GRIK4: variants seen among roughly 807,000 people sequenced by gnomAD.
The protein encoded by GRIK4 is glutamate receptor ionotropic, kainate 4.
Under a neutral mutation model 104.9 loss-of-function variants are expected in GRIK4, and 40 were observed. The observed-to-expected ratio is 0.38, with a 90% CI of 0.30 to 0.50. The LOEUF is 0.50. Among genes scored for constraint, GRIK4 ranks in the 20% least tolerant of loss-of-function variants. GRIK4 has a pLI of 0.93. For missense variants in GRIK4, 1,047 were observed against 1,308.1 expected, an observed-to-expected ratio of 0.80 and a Z score of 3.08; for synonymous variants, 485 against 524.9, an observed-to-expected ratio of 0.92 and a Z score of 1.04.
chr11:120,819,932 C>A lies in GRIK4; in HGVS notation c.511+12C>A. On this transcript the variant is annotated intron_variant, in intron 6 of 20. Coordinates refer to ENST00000527524, the MANE Select transcript of GRIK4 (RefSeq NM_014619.5). This position sits in a 1 kb window ranked among gnomAD's most constrained non-coding sequence, Gnocchi z 4.3. ...TGCCAAAGCAGAATGTAAGTTTCCC[C>A]AGGCTGGCTCTGCCCCAGACAGTCC... 6.2e-7 allele frequency: 1 copy of A among 1,612,786 alleles called. No homozygotes were observed. Among genetic ancestry groups the A allele is most frequent in the South Asian group, 1.1e-5 (1 of 90,992 alleles).
chr11:120,651,658 C>T (rs1949620991), intron 1 of GRIK4, among the ~76,000 whole-genome samples: 1 of 152,124 alleles, frequency 6.6e-6, no homozygotes, highest in African/African-American at 2.4e-5. Flanking sequence ...GTGAGTCAGA[C>T]CAGGTCCAGC....
intron 3 of GRIK4, among the ~76,000 whole-genome samples, chr11:120,760,434 CAT>C (rs34870881): frequency 2.0e-4 from 29 of 146,412 alleles, no homozygotes; most frequent in Middle Eastern, 3.6e-3. Context: ...CATATATATA[CAT>C]ATATATATAT....
intron 13 of GRIK4, among the ~76,000 whole-genome samples, chr11:120,924,333 C>T (rs1364108616): frequency 6.6e-6 from 1 of 152,146 alleles, no homozygotes; most frequent in Non-Finnish European, 1.5e-5. Context: ...CCCTGGCTCC[C>T]CTTCCAGGCT....
At chr11:120,901,317 ATCCTGCCGCTCG>A (rs1464788600) in intron 12 of GRIK4, among the ~76,000 whole-genome samples, 45 of 10,582 alleles carry the variant, frequency 4.3e-3, no homozygotes, top group African/African-American at 0.01. Context: ...TGCTCGCTGC[ATCCTGCCGCTCG>A]CTGCATCCTG....
At chr11:120,807,476 T>C (rs1023080907) in intron 4 of GRIK4, among the ~76,000 whole-genome samples, 4 of 152,166 alleles carry the variant, frequency 2.6e-5, no homozygotes, top group Non-Finnish European at 5.9e-5. Flanking sequence ...TATCCGGGCC[T>C]CCTGTGGCTC....
At chr11:120,958,780 T>G (rs920653957) in intron 16 of GRIK4, among the ~76,000 whole-genome samples, 1 of 152,070 alleles carries the variant, frequency 6.6e-6, no homozygotes, top group Non-Finnish European at 1.5e-5. Flanking sequence ...TGTAGCCAAC[T>G]CTGAAGTCAT....
chr11:120,815,438 C>T lies in GRIK4; in HGVS notation c.308C>T (p.Ser103Phe). The change falls in exon 5 of 21, where the codon TCC becomes TTC. Residue 103 changes from serine (S) to phenylalanine (F), a missense_variant. This residue lies in a region of GRIK4 where 447 missense variants were observed against 514.9 expected (regional missense o/e 0.87). Transcript: ENST00000527524. ...CTCGGACCATCGTCCAGCCCAGCCTCCAGCTCCATCATCAGCAACATCTGT... is the reference window on the plus strand; with the variant it reads ...CTCGGACCATCGTCCAGCCCAGCCTTCAGCTCCATCATCAGCAACATCTGT... ...AVLGPSSSPA[S>F]SSIISNICGE... 6.4e-7 allele frequency: 1 copy of T among 1,552,344 alleles called. No individual in the cohort carries two copies.
chr11:120,915,511 A>C (rs1370777664), intron 13 of GRIK4, among the ~76,000 whole-genome samples: 3 of 151,684 alleles, frequency 2.0e-5, no homozygotes, highest in Non-Finnish European at 4.4e-5. Context: ...TGAGGTGCGC[A>C]CACCCCAGAA....
intron 9 of GRIK4, 97 bp from the exon 10 acceptor site, chr11:120,873,969 C>G: frequency 8.7e-7 from 1 of 1,144,592 alleles, no homozygotes; most frequent in Non-Finnish European, 1.2e-6. Context: ...TTTGCTTTCT[C>G]TTTTCTTCCT....
intron 19 of GRIK4, among the ~76,000 whole-genome samples, chr11:120,968,232 C>G (rs1944417435): frequency 6.6e-6 from 1 of 152,298 alleles, no homozygotes; most frequent in East Asian, 1.9e-4. Flanking sequence ...AACACTTACC[C>G]TAGTTTGCCC....
At chr11:120,706,070 C>A (rs1295392847) in intron 3 of GRIK4, among the ~76,000 whole-genome samples, 1 of 152,106 alleles carries the variant, frequency 6.6e-6, no homozygotes, top group African/African-American at 2.4e-5. Flanking sequence ...TTCTAGAGTT[C>A]CAGGGACCCT....
chr11:120,758,557 G>A lies in GRIK4; in HGVS notation c.83-44136G>A, dbSNP rs111547938. ...CCATTGCAGGGTCAGCACTGTAACC[G>A]TGTCTCTGAGAAATCCCGTAGTAAA... On this transcript the variant is annotated intron_variant, in intron 3 of 20. Coordinates refer to ENST00000527524, the MANE Select transcript of GRIK4 (RefSeq NM_014619.5). Among the ~76,000 whole-genome samples, 642 of 152,276 alleles carry A rather than the reference G, an allele frequency of 4.2e-3. 5 individuals are homozygous for A. Among genetic ancestry groups the A allele is most frequent in the African/African-American group, 0.015 (610 of 41,542 alleles).
intron 3 of GRIK4, among the ~76,000 whole-genome samples, chr11:120,799,613 C>T (rs1952586416): frequency 6.6e-6 from 1 of 152,216 alleles, no homozygotes. Flanking sequence ...ATCATGACCT[C>T]TCTGACCTCC....
intron 1 of GRIK4, among the ~76,000 whole-genome samples, chr11:120,597,646 C>T (rs1182501854): frequency 6.6e-6 from 1 of 152,208 alleles, no homozygotes; most frequent in Non-Finnish European, 1.5e-5. Context: ...TTCAGGGATC[C>T]GTGGGGGTCC....
chr11:120,533,601 G>A (rs1947943378), intron 1 of GRIK4, among the ~76,000 whole-genome samples: 1 of 152,196 alleles, frequency 6.6e-6, no homozygotes, highest in South Asian at 2.1e-4. Context: ...AACTTGGCTG[G>A]GTGTGGTGGC....
intron 3 of GRIK4, among the ~76,000 whole-genome samples, chr11:120,767,449 A>G (rs950151885): frequency 3.3e-5 from 5 of 152,050 alleles, no homozygotes; most frequent in African/African-American, 1.2e-4. Context: ...TTGGATGTCA[A>G]CTTCTTATCA....
At chr11:120,844,824 G>A (rs533739140) in intron 8 of GRIK4, among the ~76,000 whole-genome samples, 1 of 152,286 alleles carries the variant, frequency 6.6e-6, no homozygotes. Flanking sequence ...ACAATTTCAG[G>A]GGTTCTGCTG....
At chr11:120,676,419 G>C (rs977990570) in intron 3 of GRIK4, among the ~76,000 whole-genome samples, 1 of 152,204 alleles carries the variant, frequency 6.6e-6, no homozygotes, top group Non-Finnish European at 1.5e-5. Context: ...GTAAAGAAAA[G>C]AGGTTTATTT....
At chr11:120,702,333 G>C (rs1950566834) in intron 3 of GRIK4, among the ~76,000 whole-genome samples, 1 of 152,214 alleles carries the variant, frequency 6.6e-6, no homozygotes, top group African/African-American at 2.4e-5. Context: ...GGCTGGTTTA[G>C]GGGTAAGAGG....
Sources: gnomAD v4.1 joint callset for allele counts (sites outside exome capture counted in the v4.1 genomes callset) on GRCh38, gnomAD v4.1.1 for gene constraint, gnomAD v4.1.1 regional missense constraint, Gnocchi (gnomAD v3.1) non-coding constraint, MANE v1.5 for transcripts, NCBI Gene and HGNC (gene_info 2026-07-23, HGNC 2026-07-21) for gene names.